Variants in BCAP29 observed in about 807,000 individuals in gnomAD.
BCAP29 encodes B-cell receptor-associated protein 29.
BCAP29 carries 34 observed loss-of-function variants against 31.8 expected under a neutral mutation model. The observed-to-expected ratio is 1.07, with a 90% confidence interval of 0.81 to 1.42. BCAP29 has a LOEUF of 1.42. BCAP29 is among the 40% of genes most tolerant of loss of function. The pLI is 0.00. For synonymous variants in BCAP29, 104 were observed against 91.3 expected (o/e 1.14, Z -0.79); for missense variants, 314 against 269.2 (o/e 1.17, Z -1.16).
intron 6 of BCAP29, among the ~76,000 whole-genome samples, chr7:107,612,777 A>G (rs896370001): frequency 4.6e-5 from 7 of 152,088 alleles, no homozygotes; most frequent in Non-Finnish European, 8.8e-5. Context: ...AAAGTGAAAG[A>G]ACATTCTATC....
At chr7:107,584,191 T>G (rs906444176) in intron 3 of BCAP29, among the ~76,000 whole-genome samples, 11 of 152,216 alleles carry the variant, frequency 7.2e-5, no homozygotes, top group African/African-American at 2.7e-4. Context: ...GCACAATGAT[T>G]CTTAACCCCT....
At chr7:107,582,147 A>T (rs1585026471) in intron 2 of BCAP29, among the ~76,000 whole-genome samples, 1 of 152,252 alleles carries the variant, frequency 6.6e-6, no homozygotes, top group African/African-American at 2.4e-5. Context: ...GTATATAAAC[A>T]TCTAATTTAT....
intron 7 of BCAP29, chr7:107,616,446 A>G (rs1814163458): frequency 6.6e-6 from 1 of 152,206 alleles, no homozygotes; most frequent in Non-Finnish European, 1.5e-5. Flanking sequence ...CTCTGTTGGA[A>G]GGAAAACAAA....
intron 3 of BCAP29, among the ~76,000 whole-genome samples, chr7:107,590,243 GA>G (rs912337112): frequency 1.2e-4 from 18 of 151,994 alleles, no homozygotes; most frequent in African/African-American, 3.6e-4. Context: ...TATTGACAGT[GA>G]AAAAAATAAT....
At chr7:107,583,603 A>G (rs935880675) in intron 2 of BCAP29, among the ~76,000 whole-genome samples, 2 of 152,158 alleles carry the variant, frequency 1.3e-5, no homozygotes, top group African/African-American at 4.8e-5. Flanking sequence ...TACTACTGCA[A>G]GAATTCCTTT....
chr7:107,613,194 T>C (rs778867472), intron 6 of BCAP29, 138 bp from the exon 7 acceptor site: 38 of 612,604 alleles, frequency 6.2e-5, no homozygotes, highest in Non-Finnish European at 9.5e-5. Flanking sequence ...AGAGAGAGAA[T>C]ATGATAACAA....
In BCAP29 at chr7:107,594,005, A is replaced by T; in HGVS notation, c.244A>T (p.Ser82Cys). 1 of 1,613,902 alleles carries T rather than the reference A, an allele frequency of 6.2e-7. No homozygotes were observed. The highest frequency in any genetic ancestry group is 8.5e-7 in the Non-Finnish European group (1 of 1,179,780). Residue 82 changes from serine to cysteine, a missense_variant, in exon 4 of 8, where the codon AGC (serine) becomes TGC (cysteine). Coordinates refer to ENST00000005259, the MANE Select transcript of BCAP29 (RefSeq NM_018844.4). The stretch of plus-strand genomic sequence containing the variant: ...TTCCTCAGTTCATACCATTGAGAAG[A>T]GCTCCACCAGCAGACCTGATGCCTA... The part of the protein sequence containing the change: ...KYSSVHTIEK[S>C]STSRPDAYEH...
intron 3 of BCAP29, among the ~76,000 whole-genome samples, chr7:107,590,905 T>G (rs1475517614): frequency 1.3e-5 from 2 of 152,012 alleles, no homozygotes; most frequent in African/African-American, 2.4e-5. Flanking sequence ...GAAATTAATA[T>G]AGTGGGGTCA....
At chr7:107,589,944 A>C (rs1808420178) in intron 3 of BCAP29, among the ~76,000 whole-genome samples, 1 of 152,210 alleles carries the variant, frequency 6.6e-6, no homozygotes, top group African/African-American at 2.4e-5. Flanking sequence ...TACTGTGCCC[A>C]GCCCCTACAG....
In BCAP29 at chr7:107,618,383, C is replaced by T; in HGVS notation, c.*20C>T. On this transcript the variant is annotated 3_prime_UTR_variant, in exon 8 of 8. Coordinates refer to ENST00000005259, the MANE Select transcript of BCAP29 (RefSeq NM_018844.4). The stretch of plus-strand genomic sequence containing the variant: ...CTGTGAACTTTATAAAAGACACTTG[C>T]AATATACTGTGTCAAAATGATAATT... 6.2e-7 allele frequency: 1 copy of T among 1,610,964 alleles called. No individual in the cohort carries two copies. The highest frequency in any genetic ancestry group is 8.5e-7 in the Non-Finnish European group (1 of 1,177,858).
intron 7 of BCAP29, chr7:107,616,469 T>C (rs976076328): frequency 6.6e-6 from 1 of 152,230 alleles, no homozygotes; most frequent in East Asian, 1.9e-4. Flanking sequence ...CTCAGCTCCA[T>C]AGTTTACCAC....
At chr7:107,589,970 A>G (rs945776631) in intron 3 of BCAP29, among the ~76,000 whole-genome samples, 1 of 152,170 alleles carries the variant, frequency 6.6e-6, no homozygotes, top group Non-Finnish European at 1.5e-5. Context: ...GAAAATAGAA[A>G]TCAGTAACAG....
chr7:107,601,141 T>C (rs1223070494), intron 6 of BCAP29, among the ~76,000 whole-genome samples: 1 of 152,212 alleles, frequency 6.6e-6, no homozygotes, highest in Non-Finnish European at 1.5e-5. Context: ...AAGAACAAAT[T>C]ATTTTTGTTG....
chr7:107,594,010 C>T lies in BCAP29; in HGVS notation c.249C>T (p.Ser83=), dbSNP rs776261327. The change falls in exon 4 of 8, where the codon TCC becomes TCT. Residue 83 remains serine (S), a synonymous_variant. Transcript: ENST00000005259. The part of the protein sequence containing the change: ...YSSVHTIEKS[S]TSRPDAYEHT... ...CAGTTCATACCATTGAGAAGAGCTC[C>T]ACCAGCAGACCTGATGCCTATGAAC... The T allele has an allele frequency of 1.2e-6, 2 of 1,613,736 alleles. No individual in the cohort carries two copies. The highest frequency in any genetic ancestry group is 2.2e-5 in the East Asian group (1 of 44,866).
intron 7 of BCAP29, 64 bp from the exon 8 acceptor site, chr7:107,618,263 CT>C: frequency 8.4e-7 from 1 of 1,194,422 alleles, no homozygotes; most frequent in East Asian, 2.4e-5. Flanking sequence ...TTTAAAAGTC[CT>C]TGTCATGTCT....
At position 107,620,176 on chromosome 7, in the gene BCAP29, A is replaced by G. The variant is rs924722192; in HGVS notation, c.*1813A>G. ...CAAGTCTGAAACTTTAGACATCAAA[A>G]GTTTGAGCAGTTTTTCCAAGGCAAC... On this transcript the variant is annotated 3_prime_UTR_variant, in exon 8 of 8. Coordinates refer to ENST00000005259, the MANE Select transcript of BCAP29 (RefSeq NM_018844.4). 1 of 152,202 alleles carries G rather than the reference A, an allele frequency of 6.6e-6. No individual in the cohort carries two copies. Among genetic ancestry groups the G allele is most frequent in the Non-Finnish European group, 1.5e-5 (1 of 68,040 alleles). The allele number at this position is 152,202 out of a possible 1,614,324, so 9.4% of individuals were successfully genotyped here.
At chr7:107,606,689 G>A (rs1165971494) in intron 6 of BCAP29, among the ~76,000 whole-genome samples, 1 of 152,162 alleles carries the variant, frequency 6.6e-6, no homozygotes, top group Non-Finnish European at 1.5e-5. Flanking sequence ...GTGTTAGAGC[G>A]TGGCTGTTTG....
rs752501872 is a variant in BCAP29 at position 107,600,246 on chromosome 7, A to C, written c.481-151A>C. On this transcript the variant is annotated intron_variant, in intron 5 of 7. Coordinates refer to ENST00000005259, the MANE Select transcript of BCAP29 (RefSeq NM_018844.4). ...CAAATATTAAGTTTCTGTTAGCAAAAGTACATTGTAGAAAACTATAAAATT... is the reference window on the plus strand; with the variant it reads ...CAAATATTAAGTTTCTGTTAGCAAACGTACATTGTAGAAAACTATAAAATT... The C allele has an allele frequency of 1.0e-5, 7 of 672,610 alleles. No homozygotes were observed. In the South Asian group the frequency reaches 1.1e-4, roughly 11 times the overall value. 41.7% of individuals were successfully genotyped at this position (672,610 alleles called of 1,614,324 possible).
At chr7:107,585,028 T>G (rs529054621) in intron 3 of BCAP29, among the ~76,000 whole-genome samples, 2 of 152,354 alleles carry the variant, frequency 1.3e-5, no homozygotes, top group South Asian at 4.1e-4. Flanking sequence ...TCCATGAGTC[T>G]TAGTAATCAC....
Sources: gnomAD v4.1 joint callset for allele counts (sites outside exome capture counted in the v4.1 genomes callset) on GRCh38, gnomAD v4.1.1 for gene constraint, MANE v1.5 for transcripts, NCBI Gene and HGNC (gene_info 2026-07-23, HGNC 2026-07-21) for gene names.